CLMN: variants seen among roughly 807,000 people sequenced by gnomAD.
CLMN encodes the protein calmin (calponin-like, transmembrane).
In CLMN, 57 loss-of-function variants were observed where a neutral mutation model predicts 92.7. The observed-to-expected ratio is 0.61, with a 90% CI of 0.50 to 0.77. CLMN has a LOEUF of 0.77. CLMN is among the 30% of genes least tolerant of loss of function. The pLI is 0.00. For synonymous variants in CLMN, 466 were observed against 470.6 expected (o/e 0.99, Z 0.13); for missense variants, 1,158 against 1,237.5 (o/e 0.94, Z 0.96).
intron 12 of CLMN, chr14:95,193,343 G>T: frequency 6.5e-7 from 1 of 1,534,826 alleles, no homozygotes; most frequent in Non-Finnish European, 8.7e-7. Flanking sequence ...TGGCATGTTT[G>T]CTTTCCCTCT....
intron 9 of CLMN, among the ~76,000 whole-genome samples, 154 bp from the exon 10 acceptor site, chr14:95,196,848 G>A (rs1896730958): frequency 6.6e-6 from 1 of 152,174 alleles, no homozygotes; most frequent in African/African-American, 2.4e-5. Context: ...CTGCAGCACA[G>A]CCTGCATGAG....
chr14:95,304,684 TGTTGTAC>T (rs1227070479), intron 1 of CLMN, among the ~76,000 whole-genome samples: 1 of 152,072 alleles, frequency 6.6e-6, no homozygotes, highest in Admixed American at 6.5e-5. Context: ...TTGTACAGAT[TGTTGTAC>T]AATCTGTACA....
chr14:95,199,927 A>T (rs1896829749), intron 9 of CLMN, among the ~76,000 whole-genome samples: 1 of 152,040 alleles, frequency 6.6e-6, no homozygotes, highest in Admixed American at 6.6e-5. Context: ...TTAGAGCGGG[A>T]AGAGTCTTGG....
intron 9 of CLMN, among the ~76,000 whole-genome samples, chr14:95,201,947 T>A (rs896000084): frequency 6.6e-6 from 1 of 152,270 alleles, no homozygotes; most frequent in African/African-American, 2.4e-5. Context: ...CCATGGTATA[T>A]ATGTACCACA....
At chr14:95,264,008 CTTTA>C (rs34763756) in intron 1 of CLMN, among the ~76,000 whole-genome samples, 12,031 of 143,694 alleles carry the variant, frequency 0.084, 521 homozygotes, top group African/African-American at 0.11. Flanking sequence ...CACCTTATTA[CTTTA>C]TTTATTTATT....
intron 2 of CLMN, 117 bp downstream of exon 2, chr14:95,229,955 T>C: frequency 1.0e-6 from 1 of 982,786 alleles, no homozygotes; most frequent in Non-Finnish European, 1.6e-6. Flanking sequence ...TTATAAATGT[T>C]TAAATGAATG....
In CLMN at chr14:95,194,258, GGT is replaced by G; in HGVS notation, c.2769+276_2769+277del. The G allele has an allele frequency of 2.9e-6, 4 of 1,386,788 alleles. No individual in the cohort carries two copies. Among genetic ancestry groups the G allele is most frequent in the African/African-American group, 1.5e-5 (1 of 65,482 alleles). The allele number at this position is 1,386,788 out of a possible 1,614,324, so 85.9% of individuals were successfully genotyped here. On this transcript the variant is annotated intron_variant, in intron 11 of 12. Transcript: ENST00000298912. This position sits in a 1 kb window ranked among gnomAD's most constrained non-coding sequence, Gnocchi z 4.0. ...TCTGTCTCTGAACGTGATCCTTCTG[GGT>G]GCGCGCGGGGTCCAGGTGAGGCGTT...
intron 1 of CLMN, among the ~76,000 whole-genome samples, chr14:95,273,949 A>G (rs1274580609): frequency 1.3e-5 from 2 of 152,154 alleles, no homozygotes; most frequent in Non-Finnish European, 2.9e-5. Flanking sequence ...TTGGAAACTC[A>G]CAACGCTGGG....
chr14:95,245,235 ATATT>A (rs1566891196), intron 1 of CLMN, among the ~76,000 whole-genome samples: 4,505 of 40,264 alleles, frequency 0.11, 446 homozygotes, highest in African/African-American at 0.13. Context: ...TTATATATAT[ATATT>A]ATATATATAT....
chr14:95,219,925 A>G (rs1897474431), intron 4 of CLMN, among the ~76,000 whole-genome samples: 1 of 152,194 alleles, frequency 6.6e-6, no homozygotes, highest in Admixed American at 6.5e-5. Flanking sequence ...CCTCTCTAAA[A>G]GAAACCCTGT....
rs139495639 is a variant in CLMN at position 95,227,899 on chromosome 14, T to C, written c.144+2173A>G. 3.4e-3 allele frequency among the ~76,000 whole-genome samples: 522 copies of C among 152,380 alleles called. 5 individuals are homozygous for C. The highest frequency in any genetic ancestry group is 6.0e-3 in the Admixed American group (92 of 15,312). On this transcript the variant is annotated intron_variant, in intron 2 of 12. Coordinates refer to ENST00000298912, the MANE Select transcript of CLMN (RefSeq NM_024734.4). ...CACCAAGGAGTTCCTGGGTTTCCTT[T>C]ACATGCAAGGTTGTTCTTGAAAGTC... is the stretch of plus-strand genomic sequence containing the variant.
At chr14:95,288,226 T>C (rs1029483271) in intron 1 of CLMN, among the ~76,000 whole-genome samples, 1 of 152,160 alleles carries the variant, frequency 6.6e-6, no homozygotes, top group African/African-American at 2.4e-5. Flanking sequence ...TTAGAGGACT[T>C]ACGTGAACAG....
chr14:95,274,364 G>A (rs1168663371), intron 1 of CLMN, among the ~76,000 whole-genome samples: 5 of 152,040 alleles, frequency 3.3e-5, no homozygotes, highest in Non-Finnish European at 4.4e-5. Context: ...CCTAGCACAC[G>A]AAGTCAGGAG....
At chr14:95,205,756 GATGT>G (rs1897030083) in intron 8 of CLMN, among the ~76,000 whole-genome samples, 1 of 152,072 alleles carries the variant, frequency 6.6e-6, no homozygotes, top group Non-Finnish European at 1.5e-5. Context: ...AAGGTAAGCT[GATGT>G]ATGTTAAAGA....
At chr14:95,234,585 A>G (rs1897992357) in intron 1 of CLMN, among the ~76,000 whole-genome samples, 1 of 152,226 alleles carries the variant, frequency 6.6e-6, no homozygotes, top group Non-Finnish European at 1.5e-5. Context: ...AAAGTGCTGT[A>G]AAATCGCCAT....
intron 1 of CLMN, among the ~76,000 whole-genome samples, chr14:95,237,272 C>T (rs539926789): frequency 1.6e-4 from 25 of 152,368 alleles, no homozygotes; most frequent in Admixed American, 5.9e-4. Context: ...GAGTGCCTTT[C>T]GCAATCCTCA....
At chr14:95,254,042 CCT>C (rs1448069157) in intron 1 of CLMN, among the ~76,000 whole-genome samples, 1 of 152,158 alleles carries the variant, frequency 6.6e-6, no homozygotes, top group Non-Finnish European at 1.5e-5. Context: ...TCCGAGAACC[CCT>C]GTCAAGATGG....
At chr14:95,201,443 C>T (rs1896877747) in intron 9 of CLMN, among the ~76,000 whole-genome samples, 1 of 151,862 alleles carries the variant, frequency 6.6e-6, no homozygotes, top group African/African-American at 2.4e-5. Flanking sequence ...GGCTGCAATA[C>T]CCAACGGTTA....
chr14:95,243,310 T>TG (rs113563444), intron 1 of CLMN, among the ~76,000 whole-genome samples: 35,311 of 151,938 alleles, frequency 0.23, 5,349 homozygotes, highest in African/African-American at 0.43. Flanking sequence ...AGAGCAGTGG[T>TG]GGATTGATGG....
Sources: gnomAD v4.1 joint callset for allele counts (sites outside exome capture counted in the v4.1 genomes callset) on GRCh38, gnomAD v4.1.1 for gene constraint, Gnocchi (gnomAD v3.1) non-coding constraint, MANE v1.5 for transcripts, NCBI Gene and HGNC (gene_info 2026-07-23, HGNC 2026-07-21) for gene names.